IGSF9: variants seen among roughly 807,000 people sequenced by gnomAD.
The protein encoded by IGSF9 is protein turtle homolog A.
Under a neutral mutation model 121.7 loss-of-function variants are expected in IGSF9, and 87 were observed. The ratio of observed to expected loss-of-function variants is 0.71; its 90% CI spans 0.60 to 0.85. IGSF9 has a LOEUF of 0.85. Among genes scored for constraint, IGSF9 ranks in the 40% least tolerant of loss-of-function variants. The pLI, the probability that IGSF9 is intolerant of heterozygous loss-of-function variation, is 0.00. For missense variants in IGSF9, 1,462 were observed against 1,565.3 expected (o/e 0.93, Z 1.11); for synonymous variants, 640 against 648.4 (o/e 0.99, Z 0.20).
Position 159,943,552 on chromosome 1 carries a change from A to G in IGSF9, c.-98T>C. On this transcript the variant is annotated 5_prime_UTR_variant, in exon 2 of 21. It removes the in-frame stop codon of an upstream open reading frame in the 5' UTR. Transcript: ENST00000368094. ...CTGATCAGCTCAGGGAACAGGTTTC[A>G]GCTCTCACTCTTCTGTACAGTGAGG... is the stretch of plus-strand genomic sequence containing the variant. 8.4e-7 allele frequency: 1 copy of G among 1,190,762 alleles called. No individual in the cohort carries two copies. The highest frequency in any genetic ancestry group is 1.1e-6 in the Non-Finnish European group (1 of 872,656). 73.8% of individuals were successfully genotyped at this position (1,190,762 alleles called of 1,614,324 possible).
At chr1:159,933,997 T>G in intron 9 of IGSF9, 193 bp downstream of exon 9, 1 of 647,262 alleles carries the variant, frequency 1.5e-6, no homozygotes. Flanking sequence ...AACCACCACT[T>G]TAAACCATGG....
chr1:159,936,508 G>A lies in IGSF9; in HGVS notation c.564C>T (p.Asn188=), dbSNP rs771868397. The change falls in exon 6 of 21, where the codon AAC becomes AAT. Residue 188 remains asparagine (N), a synonymous_variant. Coordinates refer to ENST00000368094, the MANE Select transcript of IGSF9 (RefSeq NM_001135050.2). ...GQGQGQVQVQ[N]GTLRIRRVER... Reference sequence around the variant, plus strand: ...CTACCCGGCGGATCCGCAGCGTCCCGTTCTGCACCTAGGGAAGGAGTGGGT... The same window carrying A: ...CTACCCGGCGGATCCGCAGCGTCCCATTCTGCACCTAGGGAAGGAGTGGGT... 2 of 1,613,866 alleles carry A rather than the reference G, an allele frequency of 1.2e-6. No individual in the cohort carries two copies. Among genetic ancestry groups the A allele is most frequent in the South Asian group, 2.2e-5 (2 of 91,074 alleles).
At chr1:159,942,318 G>C (rs1651410912) in intron 3 of IGSF9, among the ~76,000 whole-genome samples, 1 of 152,204 alleles carries the variant, frequency 6.6e-6, no homozygotes, top group African/African-American at 2.4e-5. Flanking sequence ...ACCTAAAGCA[G>C]CAACCCAGGC....
rs762782876 is a variant in IGSF9 at position 159,927,097 on chromosome 1, C to CACACACAGAGAGAGAGAGAGAGAG, written c.*247_*248insCTCTCTCTCTCTCTCTCTGTGTGT. ...AACTTCACACACACACACACACACA[C>CACACACAGAGAGAGAGAGAGAGAG]AGAGAGAGAGAGAGAGAGAGAGAGA... is the stretch of plus-strand genomic sequence containing the variant. On this transcript the variant is annotated 3_prime_UTR_variant, in exon 21 of 21. Transcript: ENST00000368094. The CACACACAGAGAGAGAGAGAGAGAG allele has an allele frequency of 7.5e-5, 28 of 371,948 alleles. No homozygotes were observed. Among genetic ancestry groups the CACACACAGAGAGAGAGAGAGAGAG allele is most frequent in the Middle Eastern group, 7.3e-4 (1 of 1,362 alleles). The allele number at this position is 371,948 out of a possible 1,614,324, so 23.0% of individuals were successfully genotyped here.
chr1:159,942,359 T>A (rs1373292674), intron 3 of IGSF9, among the ~76,000 whole-genome samples: 1 of 152,074 alleles, frequency 6.6e-6, no homozygotes, highest in East Asian at 1.9e-4. Context: ...CCTTTGGGGA[T>A]CCTGGGCCCT....
chr1:159,937,257 G>A (rs759084188), intron 4 of IGSF9, among the ~76,000 whole-genome samples: 4 of 152,290 alleles, frequency 2.6e-5, no homozygotes, highest in Non-Finnish European at 5.9e-5. Context: ...CCTATGCAAT[G>A]GGAATGATTA....
Position 159,934,171 on chromosome 1 carries a change from C to G in IGSF9, c.1104+19G>C. 2 of 1,604,516 alleles carry G rather than the reference C, an allele frequency of 1.2e-6. No homozygotes were observed. The highest frequency in any genetic ancestry group is 1.7e-6 in the Non-Finnish European group (2 of 1,175,282). ...TAACGCCAAGCTAAGACCCTCCTTCCCCTGCCCCAAGCCTGTACCTTGTCC... is the reference window on the plus strand; with the variant it reads ...TAACGCCAAGCTAAGACCCTCCTTCGCCTGCCCCAAGCCTGTACCTTGTCC... On this transcript the variant is annotated intron_variant, in intron 9 of 20. Coordinates refer to ENST00000368094, the MANE Select transcript of IGSF9 (RefSeq NM_001135050.2).
rs1001596692 is a variant in IGSF9 at position 159,934,506 on chromosome 1, C to T, written c.880G>A (p.Asp294Asn). 1.2e-6 allele frequency: 2 copies of T among 1,613,102 alleles called. No individual in the cohort carries two copies. Among genetic ancestry groups the T allele is most frequent in the Non-Finnish European group, 8.5e-7 (1 of 1,179,542 alleles). The change falls in exon 8 of 21, where the codon GAT becomes AAT. Residue 294 changes from aspartate (D) to asparagine (N), a missense_variant. Around this residue, in one of 3 missense-constraint regions of IGSF9, gnomAD observed 558 missense variants for 599.4 expected, o/e 0.93. Coordinates refer to ENST00000368094, the MANE Select transcript of IGSF9 (RefSeq NM_001135050.2). ...GSLRLLATQP[D>N]DAGCYTCVPS... ...ACACAGGTGTAGCAGCCGGCATCATCAGGCTGGGTGGCCAGCAGCCGCAGG... is the reference window on the plus strand; with the variant it reads ...ACACAGGTGTAGCAGCCGGCATCATTAGGCTGGGTGGCCAGCAGCCGCAGG...
intron 6 of IGSF9, among the ~76,000 whole-genome samples, chr1:159,935,701 T>A (rs1432012653): frequency 1.3e-5 from 2 of 152,222 alleles, no homozygotes; most frequent in African/African-American, 4.8e-5. Context: ...CCTCGTTTAA[T>A]CCTCACCAAA....
rs1299383157 is a variant in IGSF9, at chr1:159,929,729, A to T, written c.2235T>A (p.Phe745Leu). ...VLAGVVGGVCFLGVAVLVSIL... is the reference protein window; with the variant it reads ...VLAGVVGGVCLLGVAVLVSIL... The stretch of plus-strand genomic sequence containing the variant: ...TGCTCACAAGGACGGCCACTCCCAG[A>T]AAGCAGACTCCGCCCACCACGCCGG... The change falls in exon 17 of 21, where the codon TTT becomes TTA. Residue 745 changes from phenylalanine to leucine, a missense_variant. Transcript: ENST00000368094. 6.2e-7 allele frequency: 1 copy of T among 1,603,216 alleles called. No individual in the cohort carries two copies.
At position 159,937,815 on chromosome 1, in the gene IGSF9, C is replaced by A. The variant is rs1489657696; in HGVS notation, c.271G>T (p.Ala91Ser). The A allele has an allele frequency of 1.9e-6, 3 of 1,613,948 alleles. No homozygotes were observed. Among genetic ancestry groups the A allele is most frequent in the South Asian group, 2.2e-5 (2 of 91,074 alleles). Residue 91 changes from alanine to serine, a missense_variant, in exon 4 of 21, where the codon GCC (alanine) becomes TCC (serine). Physicochemically the swap from Ala to Ser is moderately conservative, Grantham distance 99 (BLOSUM62 1). Coordinates refer to ENST00000368094, the MANE Select transcript of IGSF9 (RefSeq NM_001135050.2). ...YVGRVRLQKG[A>S]SLQIEGLRVE... is the part of the protein sequence containing the mutation. ...CGGAGACCCTCAATCTGGAGAGAGG[C>A]CCCCTTCTGCAGCCGGACTCGTCCT...
intron 4 of IGSF9, among the ~76,000 whole-genome samples, chr1:159,937,481 T>C (rs936972058): frequency 2.0e-5 from 3 of 151,940 alleles, no homozygotes. Flanking sequence ...GAATTTATAT[T>C]TGAAGAACTG....
chr1:159,943,155 C>T lies in IGSF9; in HGVS notation c.59-4G>A, dbSNP rs1248171011. On this transcript the variant is annotated splice_region_variant and splice_polypyrimidine_tract_variant and intron_variant, in intron 2 of 20. Transcript: ENST00000368094. ...ACCACCTCAGGCTTCCCTCGACCTG[C>T]ATGATGGGTGGCATGAGGGCACAAC... is the stretch of plus-strand genomic sequence containing the variant. 2 of 1,581,710 alleles carry T rather than the reference C, an allele frequency of 1.3e-6. No homozygotes were observed. The highest frequency in any genetic ancestry group is 2.3e-5 in the South Asian group (2 of 86,354).
chr1:159,936,230 A>C (rs530581593), intron 6 of IGSF9, among the ~76,000 whole-genome samples, 169 bp downstream of exon 6: 1 of 152,330 alleles, frequency 6.6e-6, no homozygotes, highest in East Asian at 1.9e-4. Context: ...TTTTAAAATT[A>C]AGGTGCTGGT....
chr1:159,939,703 AAGAAG>A (rs1651314657), intron 3 of IGSF9, among the ~76,000 whole-genome samples: 3 of 152,340 alleles, frequency 2.0e-5, no homozygotes, highest in Non-Finnish European at 4.4e-5. Context: ...CTATTTCAGA[AAGAAG>A]AGAAGGATCA....
chr1:159,942,868 G>A (rs1053150110), intron 3 of IGSF9, 95 bp downstream of exon 3: 10 of 988,972 alleles, frequency 1.0e-5, no homozygotes, highest in African/African-American at 6.5e-5. Flanking sequence ...GATCAGAGCA[G>A]GGACAAAGCC....
In IGSF9 at chr1:159,927,537, C is replaced by G. The variant is rs2153208; in HGVS notation, c.3359-11G>C. 1 of 1,606,470 alleles carries G rather than the reference C, an allele frequency of 6.2e-7. No homozygotes were observed. The highest frequency in any genetic ancestry group is 8.5e-7 in the Non-Finnish European group (1 of 1,174,654). On this transcript the variant is annotated splice_polypyrimidine_tract_variant and intron_variant, in intron 20 of 20. Transcript: ENST00000368094. ...CTGGAGTCTTCACACCTGCAAGAGG[C>G]GGGCAGGACAATGAGAAGAAGCCCT...
chr1:159,927,945 C>G, intron 19 of IGSF9, 58 bp from the exon 20 acceptor site: 1 of 1,577,630 alleles, frequency 6.3e-7, no homozygotes. Flanking sequence ...AGAGGCTGTT[C>G]AGAAAAGTCT....
chr1:159,943,196 G>C (rs566300007), intron 2 of IGSF9, 45 bp from the exon 3 acceptor site: 1 of 1,508,582 alleles, frequency 6.6e-7, no homozygotes, highest in African/African-American at 1.4e-5. Flanking sequence ...GCTAGGGTCA[G>C]TGCTGGGAGG....
Sources: gnomAD v4.1 joint callset for allele counts (sites outside exome capture counted in the v4.1 genomes callset) on GRCh38, gnomAD v4.1.1 for gene constraint, gnomAD v4.1.1 regional missense constraint, MANE v1.5 for transcripts, NCBI Gene and HGNC (gene_info 2026-07-23, HGNC 2026-07-21) for gene names.